Variants in SPPL2B observed in about 807,000 individuals in gnomAD.
SPPL2B encodes the protein signal peptide peptidase like 2B.
A neutral mutation model predicts 59.7 loss-of-function variants in SPPL2B; 39 were observed. The ratio of observed to expected loss-of-function variants is 0.65; its 90% CI spans 0.51 to 0.85. The LOEUF is 0.85. Ranked by LOEUF, SPPL2B falls within the 40% of genes least tolerant of loss-of-function variation. The pLI is 0.00. For synonymous variants in SPPL2B, 419 were observed against 370.8 expected (o/e 1.13, Z -1.49); for missense variants, 865 against 849.0 (o/e 1.02, Z -0.23).
At chr19:2,333,348 A>G (rs1968390996) in intron 1 of SPPL2B, among the ~76,000 whole-genome samples, 1 of 151,256 alleles carries the variant, frequency 6.6e-6, no homozygotes, top group Non-Finnish European at 1.5e-5. Flanking sequence ...TGGGGATGGC[A>G]GGTGCGGGCG....
intron 7 of SPPL2B, among the ~76,000 whole-genome samples, 152 bp downstream of exon 7, chr19:2,340,324 G>A (rs1359714748): frequency 6.6e-6 from 1 of 152,164 alleles, no homozygotes; most frequent in Non-Finnish European, 1.5e-5. Flanking sequence ...AGGCCCAGGA[G>A]CAGGGCGGAG....
chr19:2,336,001 G>A (rs1477980119), intron 2 of SPPL2B, among the ~76,000 whole-genome samples: 1 of 152,246 alleles, frequency 6.6e-6, no homozygotes, highest in East Asian at 1.9e-4. Context: ...GTCAACACAT[G>A]TAATAGGTAT....
chr19:2,339,808 C>T lies in SPPL2B; in HGVS notation c.600-16C>T, dbSNP rs776513649. The T allele has an allele frequency of 6.2e-6, 10 of 1,602,146 alleles. No individual in the cohort carries two copies. In the Admixed American group the frequency reaches 1.5e-4, roughly 25 times the overall value. ...AGCCGGCCCCAGGGCCCCACGACCC[C>T]ATGGTGTCTCCCAAGAAGGTACATG... is the stretch of plus-strand genomic sequence containing the variant. On this transcript the variant is annotated splice_polypyrimidine_tract_variant and intron_variant, in intron 5 of 14. Transcript: ENST00000613503.
At chr19:2,336,440 T>G (rs960072276) in intron 2 of SPPL2B, among the ~76,000 whole-genome samples, 4 of 152,056 alleles carry the variant, frequency 2.6e-5, no homozygotes, top group East Asian at 1.9e-4. Context: ...TGTGGATGTG[T>G]ATGTGCCTGT....
Position 2,337,424 on chromosome 19 carries a change from T to G in SPPL2B, c.187-19T>G. 1 of 1,577,992 alleles carries G rather than the reference T, an allele frequency of 6.3e-7. No individual in the cohort carries two copies. The highest frequency in any genetic ancestry group is 8.6e-7 in the Non-Finnish European group (1 of 1,158,132). ...TGACTCACATCACGTGAGACAACAC[T>G]GTGCCCTGGCCTTTCCAGTCTTTCC... On this transcript the variant is annotated intron_variant, in intron 2 of 14. Transcript: ENST00000613503.
rs1470009703 is a variant in SPPL2B, at chr19:2,352,863, CGGGTGCTGGGTGTCCTGGCCCCTGCCA to C, written c.1516-78_1516-52del. The C allele has an allele frequency of 4.7e-6, 7 of 1,485,358 alleles. No homozygotes were observed. In the East Asian group the frequency reaches 1.4e-4, roughly 30 times the overall value. 92.0% of individuals were successfully genotyped at this position (1,485,358 alleles called of 1,614,324 possible). On this transcript the variant is annotated intron_variant, in intron 14 of 14. Coordinates refer to ENST00000613503, the MANE Select transcript of SPPL2B (RefSeq NM_152988.3). ...ATTTTGACCCTGCCCCCGTGGCCTG[CGGGTGCTGGGTGTCCTGGCCCCTGCCA>C]GGGTCCTCCTCTGGGTCCCTGTCTC...
At position 2,355,003 on chromosome 19, in the gene SPPL2B, G is replaced by A. The variant is rs953543906; in HGVS notation, c.*1794G>A. Among the ~76,000 whole-genome samples, 1 of 152,212 alleles carries A rather than the reference G, an allele frequency of 6.6e-6. No individual in the cohort carries two copies. Among genetic ancestry groups the A allele is most frequent in the Admixed American group, 6.5e-5 (1 of 15,276 alleles). On this transcript the variant is annotated 3_prime_UTR_variant, in exon 15 of 15. Transcript: ENST00000613503. ...CTGTGGGCCATGTGGTCCCTGTCAC[G>A]CTTCTCAGCTCTGCCACTGTTGCTG...
intron 13 of SPPL2B, among the ~76,000 whole-genome samples, chr19:2,350,817 G>A (rs978616513): frequency 6.6e-6 from 1 of 152,240 alleles, no homozygotes; most frequent in Non-Finnish European, 1.5e-5. Context: ...ATGAGCAAGG[G>A]GGTCCTGGCA....
chr19:2,353,092 C>T lies in SPPL2B; in HGVS notation c.1662C>T (p.Arg554=), dbSNP rs796229468. The T allele has an allele frequency of 9.3e-6, 15 of 1,611,400 alleles. No homozygotes were observed. Among genetic ancestry groups the T allele is most frequent in the Admixed American group, 1.7e-5 (1 of 59,830 alleles). ...PWPAEQSPKS[R]TSEEMGAGAP... ...CTGCTGAGCAGTCCCCAAAATCACG[C>T]ACGTCCGAGGAGATGGGGGCTGGAG... The change falls in exon 15 of 15, where the codon CGC becomes CGT. Residue 554 remains arginine, a synonymous_variant. Coordinates refer to ENST00000613503, the MANE Select transcript of SPPL2B (RefSeq NM_152988.3).
At chr19:2,350,273 TTC>T (rs371240562) in intron 13 of SPPL2B, among the ~76,000 whole-genome samples, 6 of 142,256 alleles carry the variant, frequency 4.2e-5, no homozygotes, top group South Asian at 2.3e-4. Context: ...CTTGATTCCG[TTC>T]TCTCTCTCCA....
intron 3 of SPPL2B, chr19:2,338,428 T>C (rs1306896412): frequency 4.6e-6 from 1 of 219,562 alleles, no homozygotes; most frequent in East Asian, 1.1e-4. Context: ...GGCGGCTTAG[T>C]GGGCAGGCAT....
chr19:2,351,778 C>T lies in SPPL2B; in HGVS notation c.1515+184C>T, dbSNP rs534182181. On this transcript the variant is annotated intron_variant, in intron 14 of 14. Transcript: ENST00000613503. ...CGGTGGAAGGACGTGCGTGCAGCTC[C>T]TGTGCCGGGTGGGATGCGGGGGTGC... 186 of 584,534 alleles carry T rather than the reference C, an allele frequency of 3.2e-4. 1 individual carries two copies. In the East Asian group the frequency reaches 0.013, roughly 41 times the overall value. The allele number at this position is 584,534 out of a possible 1,614,324, so 36.2% of individuals were successfully genotyped here. A position where few individuals can be genotyped will look rare whatever the true frequency, so the allele number is the denominator to read the frequency against.
At chr19:2,338,693 G>A (rs1182644819) in intron 3 of SPPL2B, 59 bp from the exon 4 acceptor site, 2 of 1,251,674 alleles carry the variant, frequency 1.6e-6, no homozygotes, top group Non-Finnish European at 2.3e-6. Flanking sequence ...TGGGCACAGA[G>A]CTGGGGGCCC....
chr19:2,334,852 T>C, intron 2 of SPPL2B, 131 bp downstream of exon 2: 1 of 1,214,010 alleles, frequency 8.2e-7, no homozygotes, highest in Non-Finnish European at 1.1e-6. Flanking sequence ...TCTGGGGGAC[T>C]CTTAGCTGGC....
At position 2,345,447 on chromosome 19, in the gene SPPL2B, C is replaced by CT. The variant is rs149668260; in HGVS notation, c.1354+118dup. On this transcript the variant is annotated intron_variant, in intron 13 of 14. Coordinates refer to ENST00000613503, the MANE Select transcript of SPPL2B (RefSeq NM_152988.3). ...CCCAACCCTAACCCTAATTCCAACTCTAACACCGTAACCATAACACCCTAA... is the reference window on the plus strand; with the variant it reads ...CCCAACCCTAACCCTAATTCCAACTCTTAACACCGTAACCATAACACCCTAA... 3,128 of 847,374 alleles carry CT rather than the reference C, an allele frequency of 3.7e-3. 73 individuals are homozygous for CT. The African/African-American group carries it at 0.045, about 12-fold the overall frequency. 52.5% of individuals were successfully genotyped at this position (847,374 alleles called of 1,614,324 possible). A position where few individuals can be genotyped will look rare whatever the true frequency, so the allele number is the denominator to read the frequency against.
chr19:2,351,203 CG>C (rs1418482932), intron 13 of SPPL2B, among the ~76,000 whole-genome samples: 1 of 152,200 alleles, frequency 6.6e-6, no homozygotes, highest in Non-Finnish European at 1.5e-5. Flanking sequence ...TCCATGTCCT[CG>C]GTGACCCTGG....
intron 1 of SPPL2B, among the ~76,000 whole-genome samples, chr19:2,334,341 C>G (rs1044326710): frequency 6.6e-6 from 1 of 152,234 alleles, no homozygotes; most frequent in Non-Finnish European, 1.5e-5. Flanking sequence ...AACTCGGGAG[C>G]CACAAAGGGG....
chr19:2,348,630 TCA>T (rs1242624768), intron 13 of SPPL2B, among the ~76,000 whole-genome samples: 18 of 116,080 alleles, frequency 1.6e-4, no homozygotes, highest in South Asian at 6.1e-4. Context: ...CCACACACAC[TCA>T]CACGCTGTCA....
At chr19:2,348,544 G>A (rs564643972) in intron 13 of SPPL2B, among the ~76,000 whole-genome samples, 3 of 142,350 alleles carry the variant, frequency 2.1e-5, no homozygotes, top group African/African-American at 5.2e-5. Flanking sequence ...ACACACTCAC[G>A]TTCTCATTCG....
Sources: gnomAD v4.1 joint callset for allele counts (sites outside exome capture counted in the v4.1 genomes callset) on GRCh38, gnomAD v4.1.1 for gene constraint, MANE v1.5 for transcripts, NCBI Gene and HGNC (gene_info 2026-07-23, HGNC 2026-07-21) for gene names.